The following ASIC2 variants were observed in gnomAD, a reference collection of about 807,000 sequenced individuals.
ASIC2 encodes acid-sensing ion channel 2.
A neutral mutation model predicts 57.3 loss-of-function variants in ASIC2; 25 were observed. That is an observed-to-expected ratio of 0.44 (90% CI 0.32 to 0.61). ASIC2 has a LOEUF of 0.61. Ranked by LOEUF, ASIC2 falls within the 20% of genes least tolerant of loss-of-function variation. ASIC2 has a pLI of 0.06. For missense variants in ASIC2, 641 were observed against 738.1 expected, an observed-to-expected ratio of 0.87 and a Z score of 1.52; for synonymous variants, 319 against 307.5, an observed-to-expected ratio of 1.04 and a Z score of -0.39.
chr17:33,191,380 G>A lies in ASIC2; in HGVS notation c.709-79313C>T, dbSNP rs182085818. On this transcript the variant is annotated intron_variant, in intron 1 of 9. Coordinates refer to ENST00000225823, the MANE Select transcript of ASIC2 (RefSeq NM_183377.2). ...ATGGGGAACCTTTGTTGGGTGGGGG[G>A]TAATGGAATTTTTTTCTTTTTGGGT... is the stretch of plus-strand genomic sequence containing the variant. 5.2e-3 allele frequency among the ~76,000 whole-genome samples: 792 copies of A among 152,170 alleles called. 11 individuals are homozygous for A. Among genetic ancestry groups the A allele is most frequent in the African/African-American group, 0.017 (719 of 41,508 alleles).
At chr17:34,134,590 T>C (rs1223479523) in intron 1 of ASIC2, among the ~76,000 whole-genome samples, 1 of 152,198 alleles carries the variant, frequency 6.6e-6, no homozygotes, top group East Asian at 1.9e-4. Flanking sequence ...CAGAGAAACC[T>C]AGAAGGGAGA....
chr17:33,194,336 T>A (rs1199987166), intron 1 of ASIC2, among the ~76,000 whole-genome samples: 1 of 152,232 alleles, frequency 6.6e-6, no homozygotes, highest in Non-Finnish European at 1.5e-5. Context: ...CTTCCTAGCA[T>A]GTTGCTTATG....
intron 1 of ASIC2, among the ~76,000 whole-genome samples, chr17:34,143,391 G>T (rs1336382355): frequency 6.6e-6 from 1 of 152,232 alleles, no homozygotes; most frequent in African/African-American, 2.4e-5. Context: ...GTGTTGGGAG[G>T]TGGTCCCTTT....
intron 1 of ASIC2, among the ~76,000 whole-genome samples, chr17:33,666,802 G>T (rs2142048755): frequency 6.6e-6 from 1 of 152,280 alleles, no homozygotes; most frequent in African/African-American, 2.4e-5. Flanking sequence ...AGTTGCTAAG[G>T]TCTGCTGCCC....
chr17:33,101,065 C>A (rs1245559837), intron 2 of ASIC2, among the ~76,000 whole-genome samples: 3 of 152,182 alleles, frequency 2.0e-5, no homozygotes, highest in South Asian at 4.1e-4. Flanking sequence ...TGAGAGTGAG[C>A]CTAACATCCC....
intron 1 of ASIC2, among the ~76,000 whole-genome samples, chr17:33,413,077 C>G (rs1312574594): frequency 1.3e-5 from 2 of 152,118 alleles, no homozygotes; most frequent in African/African-American, 4.8e-5. Flanking sequence ...GCAGGGTTCT[C>G]CAGAGATGGG....
At position 33,062,775 on chromosome 17, in the gene ASIC2, C is replaced by A. The variant is rs139591780; in HGVS notation, c.987+26088G>T. On this transcript the variant is annotated intron_variant, in intron 3 of 9. Transcript: ENST00000225823. ...TGGACAGTGGGGTGTTAAAGTCTCC[C>A]ATTATTATTGTATGGGAGTCTAAGT... Among the ~76,000 whole-genome samples, 942 of 152,226 alleles carry A rather than the reference C, an allele frequency of 6.2e-3. 53 individuals carry two copies. The East Asian group carries it at 0.15, about 24-fold the overall frequency.
chr17:34,092,188 G>T (rs935114558), intron 1 of ASIC2, among the ~76,000 whole-genome samples: 3 of 152,208 alleles, frequency 2.0e-5, no homozygotes, highest in African/African-American at 7.2e-5. Flanking sequence ...TTTTGGCTCC[G>T]GGGCCAGTGT....
chr17:33,475,806 C>G (rs1913201231), intron 1 of ASIC2, among the ~76,000 whole-genome samples: 1 of 152,208 alleles, frequency 6.6e-6, no homozygotes. Flanking sequence ...AGCCCTCCCC[C>G]ATCCCCATCC....
intron 1 of ASIC2, among the ~76,000 whole-genome samples, chr17:33,904,388 T>G (rs570439614): frequency 6.6e-6 from 1 of 152,214 alleles, no homozygotes; most frequent in Admixed American, 6.5e-5. Context: ...GTAGCACCGG[T>G]GTTAAGCTGT....
intron 1 of ASIC2, among the ~76,000 whole-genome samples, chr17:33,815,005 A>C (rs1912535377): frequency 6.6e-6 from 1 of 151,998 alleles, no homozygotes. Flanking sequence ...TATTTGTTGG[A>C]CTGTGTGTGG....
chr17:33,189,939 G>T (rs1294618683), intron 1 of ASIC2, among the ~76,000 whole-genome samples: 1 of 152,144 alleles, frequency 6.6e-6, no homozygotes, highest in Non-Finnish European at 1.5e-5. Flanking sequence ...TGGTGAAAGG[G>T]TGAATGATCT....
intron 1 of ASIC2, among the ~76,000 whole-genome samples, chr17:33,199,976 C>T (rs1238875654): frequency 6.6e-6 from 1 of 152,130 alleles, no homozygotes; most frequent in Non-Finnish European, 1.5e-5. Flanking sequence ...CTTGCTGTTC[C>T]ATGGGCACTT....
At chr17:34,084,476 C>T (rs552116798) in intron 1 of ASIC2, among the ~76,000 whole-genome samples, 16 of 152,286 alleles carry the variant, frequency 1.1e-4, no homozygotes, top group South Asian at 4.1e-4. Flanking sequence ...AGTCAGGTAG[C>T]GTGATGCCTC....
chr17:34,117,282 C>A lies in ASIC2; in HGVS notation c.555+38696G>T, dbSNP rs147753524. Among the ~76,000 whole-genome samples the A allele has an allele frequency of 1.4e-3, 216 of 152,240 alleles. 1 individual carries two copies. Among genetic ancestry groups the A allele is most frequent in the African/African-American group, 5.1e-3 (212 of 41,548 alleles). On this transcript the variant is annotated intron_variant, in intron 1 of 9. Coordinates refer to the ASIC2 transcript ENST00000359872. The stretch of plus-strand genomic sequence containing the variant: ...TATAAACAGACAAATTATAGAACAG[C>A]CCAGTTTGTGTGACCCACATGTATA...
intron 1 of ASIC2, among the ~76,000 whole-genome samples, chr17:33,152,179 G>A (rs1055137802): frequency 6.6e-5 from 10 of 152,118 alleles, no homozygotes; most frequent in Non-Finnish European, 1.2e-4. Flanking sequence ...GAGGTTCAAC[G>A]TCTTACAGAT....
intron 1 of ASIC2, among the ~76,000 whole-genome samples, chr17:33,843,429 T>C (rs1327408221): frequency 1.3e-5 from 2 of 152,246 alleles, no homozygotes; most frequent in African/African-American, 4.8e-5. Context: ...GGCATTTTAA[T>C]AGTGCACATT....
chr17:33,643,153 C>G (rs1349889277), intron 1 of ASIC2, among the ~76,000 whole-genome samples: 4 of 150,622 alleles, frequency 2.7e-5, no homozygotes. Flanking sequence ...CATTTCCCCC[C>G]CCCCACATTT....
intron 1 of ASIC2, among the ~76,000 whole-genome samples, chr17:33,826,973 A>G (rs1053742819): frequency 2.0e-5 from 3 of 152,202 alleles, no homozygotes; most frequent in Non-Finnish European, 4.4e-5. Flanking sequence ...AGAGCCTAGA[A>G]GTCTTTATGA....
Sources: allele counts gnomAD v4.1 joint callset (sites outside exome capture counted in the v4.1 genomes callset), GRCh38; gene constraint gnomAD v4.1.1; transcripts MANE v1.5; gene names NCBI Gene and HGNC (gene_info 2026-07-23, HGNC 2026-07-21).